PDE10A: variants seen among roughly 807,000 people sequenced by gnomAD.
PDE10A encodes the protein phosphodiesterase 10A.
In PDE10A, 39 loss-of-function variants were observed where a neutral mutation model predicts 97.7. The observed-to-expected ratio is 0.40, with a 90% CI of 0.31 to 0.52. PDE10A has a LOEUF of 0.52. Among genes scored for constraint, PDE10A ranks in the 20% least tolerant of loss-of-function variants. PDE10A has a pLI of 0.56. For synonymous variants in PDE10A, 371 were observed against 376.8 expected (o/e 0.98, Z 0.18); for missense variants, 731 against 1,047.8 (o/e 0.70, Z 4.17).
Position 165,418,536 on chromosome 6 carries a change from A to G in PDE10A, c.1796+99T>C. On this transcript the variant is annotated intron_variant, in intron 11 of 21. Transcript: ENST00000539869. The surrounding 1 kb of genome is among the most constrained non-coding windows in gnomAD (Gnocchi z 4.8). The stretch of plus-strand genomic sequence containing the variant: ...GTGGGAATGATATCACAGTATGACA[A>G]GTATTGTCAGCATACCTGTGAATAG... 1 of 1,068,246 alleles carries G rather than the reference A, an allele frequency of 9.4e-7. No individual in the cohort carries two copies. Among genetic ancestry groups the G allele is most frequent in the South Asian group, 1.4e-5 (1 of 71,158 alleles). 66.2% of individuals were successfully genotyped at this position (1,068,246 alleles called of 1,614,324 possible).
chr6:165,581,954 A>G (rs1413022741), intron 1 of PDE10A, among the ~76,000 whole-genome samples: 1 of 152,164 alleles, frequency 6.6e-6, no homozygotes, highest in Non-Finnish European at 1.5e-5. Context: ...GATTTTCCTT[A>G]TCTCTTTATC....
chr6:165,891,009 A>G (rs1284156256), intron 1 of PDE10A, among the ~76,000 whole-genome samples: 2 of 152,166 alleles, frequency 1.3e-5, no homozygotes, highest in African/African-American at 4.8e-5. Context: ...AACCTAGTAG[A>G]CTGCCTTTTT....
rs892432722 is a variant in PDE10A, at chr6:165,390,370, C to T, written c.2455-1917G>A. Among the ~76,000 whole-genome samples, 3 of 151,970 alleles carry T rather than the reference C, an allele frequency of 2.0e-5. No homozygotes were observed. The South Asian group carries it at 6.2e-4, about 32-fold the overall frequency. Reference sequence around the variant, plus strand: ...ATCAGAGTTGTTTTCAGAAAGAATGCGAGGAGAGGATTTTGAAAGAGTCAA... The same window carrying T: ...ATCAGAGTTGTTTTCAGAAAGAATGTGAGGAGAGGATTTTGAAAGAGTCAA... On this transcript the variant is annotated intron_variant, in intron 16 of 21. Coordinates refer to ENST00000539869, the MANE Select transcript of PDE10A (RefSeq NM_001385079.1).
chr6:165,343,245 G>T (rs1782084739), intron 19 of PDE10A, 146 bp downstream of exon 19: 1 of 640,534 alleles, frequency 1.6e-6, no homozygotes, highest in Non-Finnish European at 2.8e-6. Context: ...CTTTGTATCT[G>T]CATAAGTGCT....
In PDE10A at chr6:165,619,519, G is replaced by C. The variant is rs373802891; in HGVS notation, c.865+42428C>G. Among the ~76,000 whole-genome samples the C allele has an allele frequency of 1.7e-4, 13 of 77,640 alleles. 1 individual carries two copies. The highest frequency in any genetic ancestry group is 3.5e-4 in the South Asian group (1 of 2,890). The allele number at this position is 77,640 out of a possible 152,430, so 50.9% of individuals were successfully genotyped here. On this transcript the variant is annotated intron_variant, in intron 1 of 21. Coordinates refer to ENST00000539869, the MANE Select transcript of PDE10A (RefSeq NM_001385079.1). ...GTAGTCTAGTGTAGTGTAGTCTAGT[G>C]TAGTGTAGTGTAGTCTAATGTAGTG...
intron 1 of PDE10A, among the ~76,000 whole-genome samples, chr6:165,962,517 T>C (rs1219270932): frequency 6.6e-6 from 1 of 152,090 alleles, no homozygotes; most frequent in African/African-American, 2.4e-5. Context: ...CATGGAGAAA[T>C]ACCTTTCCAT....
chr6:165,328,666 C>T lies in PDE10A; in HGVS notation c.*4359G>A, dbSNP rs1018224816. Reference sequence around the variant, plus strand: ...TCAAGTGAGGACAGCATTGCTTCTTCGGATGTTAAATGTGTTTCTTAGGTA... The same window carrying T: ...TCAAGTGAGGACAGCATTGCTTCTTTGGATGTTAAATGTGTTTCTTAGGTA... On this transcript the variant is annotated 3_prime_UTR_variant, in exon 22 of 22. Transcript: ENST00000539869. 9 of 152,192 alleles carry T rather than the reference C, an allele frequency of 5.9e-5. No homozygotes were observed. The highest frequency in any genetic ancestry group is 1.2e-4 in the African/African-American group (5 of 41,438). 9.4% of individuals were successfully genotyped at this position (152,192 alleles called of 1,614,324 possible). A position where few individuals can be genotyped will look rare whatever the true frequency, so the allele number is the denominator to read the frequency against.
intron 1 of PDE10A, among the ~76,000 whole-genome samples, chr6:165,746,334 T>TGA (rs1792842321): frequency 6.6e-6 from 1 of 152,214 alleles, no homozygotes; most frequent in South Asian, 2.1e-4. Flanking sequence ...ATTTATTGAC[T>TGA]CTTTCAAGAT....
chr6:165,360,095 C>A (rs540000988), intron 18 of PDE10A, among the ~76,000 whole-genome samples: 15 of 152,246 alleles, frequency 9.9e-5, no homozygotes, highest in African/African-American at 3.4e-4. Context: ...TCCATACCCA[C>A]GATATGGCTT....
At chr6:165,603,785 T>C (rs1048885218) in intron 1 of PDE10A, among the ~76,000 whole-genome samples, 3 of 152,256 alleles carry the variant, frequency 2.0e-5, no homozygotes, top group Admixed American at 6.5e-5. Flanking sequence ...TTTCTGAAGT[T>C]GGTATTTTTT....
At chr6:165,341,048 G>T (rs961364937) in intron 19 of PDE10A, among the ~76,000 whole-genome samples, 4 of 152,200 alleles carry the variant, frequency 2.6e-5, no homozygotes, top group African/African-American at 4.8e-5. Flanking sequence ...AAAGGTAATG[G>T]CAAGGAATTC....
intron 1 of PDE10A, among the ~76,000 whole-genome samples, chr6:165,753,610 G>T (rs1245510737): frequency 6.6e-6 from 1 of 151,764 alleles, no homozygotes; most frequent in Non-Finnish European, 1.5e-5. Flanking sequence ...AGTTTTTAGG[G>T]TTTTTTTTCC....
rs549967531 is a variant in PDE10A, at chr6:165,833,687, T to C, written c.-615+153842A>G. On this transcript the variant is annotated intron_variant, in intron 1 of 19. Coordinates refer to the PDE10A transcript ENST00000366882. ...GGCTGAGCACAGCCAGGGGCAGCAA[T>C]TCTTCTCGAGATGTTCTTGTCCCAT... 2.0e-5 allele frequency among the ~76,000 whole-genome samples: 3 copies of C among 152,362 alleles called. No individual in the cohort carries two copies. The East Asian group carries it at 5.8e-4, about 29-fold the overall frequency.
chr6:165,745,447 G>T (rs1792822196), intron 1 of PDE10A, among the ~76,000 whole-genome samples: 1 of 152,032 alleles, frequency 6.6e-6, no homozygotes, highest in African/African-American at 2.4e-5. Flanking sequence ...TATCAGTTCT[G>T]ATACTTAACT....
rs1324203273 is a variant in PDE10A at position 165,330,926 on chromosome 6, A to G, written c.*2099T>C. ...TAAATTTGTATGCAGAAAAATATGT[A>G]TCTTGTTCAAATTCAATTATATGAT... On this transcript the variant is annotated 3_prime_UTR_variant, in exon 22 of 22. Transcript: ENST00000539869. 6.6e-6 allele frequency: 1 copy of G among 152,202 alleles called. No individual in the cohort carries two copies. Among genetic ancestry groups the G allele is most frequent in the African/African-American group, 2.4e-5 (1 of 41,458 alleles). The allele number at this position is 152,202 out of a possible 1,614,324, so 9.4% of individuals were successfully genotyped here.
At chr6:165,618,465 C>T (rs1038978650) in intron 1 of PDE10A, among the ~76,000 whole-genome samples, 2 of 152,158 alleles carry the variant, frequency 1.3e-5, no homozygotes, top group African/African-American at 2.4e-5. Flanking sequence ...ATCAGCCTTC[C>T]TCTTCTCCAG....
Position 165,682,027 on chromosome 6 carries a change from G to A in PDE10A, c.-614-138459C>T, listed in dbSNP as rs76680700. The stretch of plus-strand genomic sequence containing the variant: ...AGCTATCGTGAACGCCCTCTAAGTC[G>A]TCCTTGTTCTGGTTTTAACATGCTG... On this transcript the variant is annotated intron_variant, in intron 1 of 19. Transcript: ENST00000366882. Among the ~76,000 whole-genome samples, 253 of 152,286 alleles carry A rather than the reference G, an allele frequency of 1.7e-3. 1 individual carries two copies. The highest frequency in any genetic ancestry group is 5.5e-3 in the African/African-American group (230 of 41,556).
At chr6:165,473,931 A>G (rs746605165) in intron 3 of PDE10A, among the ~76,000 whole-genome samples, 3 of 152,206 alleles carry the variant, frequency 2.0e-5, no homozygotes, top group Non-Finnish European at 2.9e-5. Flanking sequence ...TTTTCAAGTC[A>G]TTCACTCAAT....
chr6:165,780,146 G>T (rs980712159), intron 1 of PDE10A: 1 of 151,996 alleles, frequency 6.6e-6, no homozygotes, highest in African/African-American at 2.4e-5. Flanking sequence ...TCTTCTAAGG[G>T]GACTGAAATT....
Sources: gnomAD v4.1 joint callset for allele counts (sites outside exome capture counted in the v4.1 genomes callset) on GRCh38, gnomAD v4.1.1 for gene constraint, Gnocchi (gnomAD v3.1) non-coding constraint, MANE v1.5 for transcripts, NCBI Gene and HGNC (gene_info 2026-07-23, HGNC 2026-07-21) for gene names.